Variants in NCK1 observed in about 807,000 individuals in gnomAD.
The protein encoded by NCK1 is NCK adaptor protein 1.
A neutral mutation model predicts 36.6 loss-of-function variants in NCK1; 19 were observed. The ratio of observed to expected loss-of-function variants is 0.52; its 90% CI spans 0.36 to 0.76. NCK1 has a LOEUF of 0.76. NCK1 is among the 30% of genes least tolerant of loss of function. The pLI is 0.00. For synonymous variants in NCK1, 165 were observed against 156.0 expected (o/e 1.06, Z -0.43); for missense variants, 358 against 445.6 (o/e 0.80, Z 1.77).
chr3:136,908,685 A>G (rs962787149), intron 1 of NCK1, among the ~76,000 whole-genome samples: 1 of 152,174 alleles, frequency 6.6e-6, no homozygotes, highest in East Asian at 1.9e-4. Flanking sequence ...CTGACAATAT[A>G]TATTTTTTAC....
chr3:136,895,279 A>C (rs1321089333), intron 1 of NCK1, among the ~76,000 whole-genome samples: 1 of 152,192 alleles, frequency 6.6e-6, no homozygotes, highest in African/African-American at 2.4e-5. Flanking sequence ...CAAACTGATG[A>C]TAGATGTGTA....
In NCK1 at chr3:136,945,818, G is replaced by C. The variant is rs765553907; in HGVS notation, c.462G>C (p.Trp154Cys). Reference sequence around the variant, plus strand: ...GTAGCTACAATGGACAAGTTGGATGGTTCCCTTCAAACTATGTAACTGAAG... The same window carrying C: ...GTAGCTACAATGGACAAGTTGGATGCTTCCCTTCAAACTATGTAACTGAAG... ...WRGSYNGQVGWFPSNYVTEEG... is the reference protein window; with the variant it reads ...WRGSYNGQVGCFPSNYVTEEG... The change falls in exon 3 of 4, where the codon TGG (tryptophan) becomes TGC (cysteine). Residue 154 changes from tryptophan to cysteine, a missense_variant. By Grantham distance (215) the Trp-to-Cys change is radical. Around this residue, in one of 3 missense-constraint regions of NCK1, gnomAD observed 8 missense variants for 29.8 expected, o/e 0.27. Transcript: ENST00000481752. The C allele has an allele frequency of 6.2e-7, 1 of 1,614,110 alleles. No individual in the cohort carries two copies. The highest frequency in any genetic ancestry group is 8.5e-7 in the Non-Finnish European group (1 of 1,180,020).
chr3:136,902,634 A>G (rs1939575193), intron 1 of NCK1, among the ~76,000 whole-genome samples: 1 of 152,192 alleles, frequency 6.6e-6, no homozygotes. Context: ...GCTGATGAAA[A>G]GAATGTGTTC....
At chr3:136,878,242 C>T (rs1023195269) in intron 1 of NCK1, among the ~76,000 whole-genome samples, 7 of 152,044 alleles carry the variant, frequency 4.6e-5, no homozygotes, top group East Asian at 3.9e-4. Flanking sequence ...AACCCCATCT[C>T]AACTATAAAC....
At chr3:136,900,147 C>A (rs1043060460) in intron 1 of NCK1, 16 of 306,406 alleles carry the variant, frequency 5.2e-5, no homozygotes, top group Non-Finnish European at 1.0e-4. Context: ...TCAGTTCCCA[C>A]CCAAAACCAG....
chr3:136,941,166 C>T (rs1302890418), intron 2 of NCK1, among the ~76,000 whole-genome samples: 1 of 148,294 alleles, frequency 6.7e-6, no homozygotes, highest in Non-Finnish European at 1.5e-5. Context: ...CACTCTGTCA[C>T]CCAGGCTGGA....
intron 2 of NCK1, among the ~76,000 whole-genome samples, chr3:136,932,302 G>A (rs939636145): frequency 6.6e-6 from 1 of 152,060 alleles, no homozygotes; most frequent in Non-Finnish European, 1.5e-5. Flanking sequence ...AATCCCTGCA[G>A]CAACCCCAAA....
At chr3:136,907,889 T>C (rs1939727497) in intron 1 of NCK1, among the ~76,000 whole-genome samples, 1 of 152,218 alleles carries the variant, frequency 6.6e-6, no homozygotes, top group Non-Finnish European at 1.5e-5. Context: ...ATATGTGGCG[T>C]CAGCCTCAGT....
chr3:136,945,369 A>G (rs756148728), intron 2 of NCK1, among the ~76,000 whole-genome samples: 8 of 152,226 alleles, frequency 5.3e-5, no homozygotes, highest in Non-Finnish European at 1.2e-4. Flanking sequence ...GAACTGTCAT[A>G]TAATAACAAA....
intron 1 of NCK1, among the ~76,000 whole-genome samples, chr3:136,879,419 T>G (rs927417490): frequency 6.6e-6 from 1 of 152,162 alleles, no homozygotes; most frequent in Non-Finnish European, 1.5e-5. Context: ...ACGCTTTCAA[T>G]TAAAGCCTAG....
Position 136,942,901 on chromosome 3 carries a change from A to C in NCK1, c.227-2682A>C, listed in dbSNP as rs140857300. On this transcript the variant is annotated intron_variant, in intron 2 of 3. Coordinates refer to ENST00000481752, the MANE Select transcript of NCK1 (RefSeq NM_001291999.2). ...ATTCAAGTCAGGCAAAGCCAAGGCA[A>C]GCCATTGCTCAGGTCCTTCAGGGAG... Among the ~76,000 whole-genome samples the C allele has an allele frequency of 7.2e-3, 1,093 of 152,364 alleles. 5 individuals carry two copies. The highest frequency in any genetic ancestry group is 0.013 in the Non-Finnish European group (866 of 68,032).
chr3:136,862,958 T>C (rs1234530162), intron 1 of NCK1, among the ~76,000 whole-genome samples: 1 of 151,816 alleles, frequency 6.6e-6, no homozygotes, highest in Non-Finnish European at 1.5e-5. Flanking sequence ...CTGTGAACTT[T>C]TGACTTGAGT....
chr3:136,944,112 C>CTTTTTTTTTT (rs72327296), intron 2 of NCK1, among the ~76,000 whole-genome samples: 4 of 43,782 alleles, frequency 9.1e-5, no homozygotes, highest in Admixed American at 4.5e-4. Context: ...GAAAAACAAC[C>CTTTTTTTTTT]TTTTTTTTTT....
intron 1 of NCK1, among the ~76,000 whole-genome samples, chr3:136,873,948 A>G (rs1455913205): frequency 1.3e-5 from 2 of 152,224 alleles, no homozygotes. Context: ...AAGTGGACTA[A>G]TACAGTAACC....
In NCK1 at chr3:136,913,960, G is replaced by T. The variant is rs1020794366; in HGVS notation, c.-18-14024G>T. 3.3e-5 allele frequency among the ~76,000 whole-genome samples: 5 copies of T among 152,272 alleles called. No homozygotes were observed. The East Asian group carries it at 9.7e-4, about 29-fold the overall frequency. ...CAGGCGTGAGCCACCACGCCCAGCC[G>T]CACAGTGATTTTCTAAATTCCCCAT... is the stretch of plus-strand genomic sequence containing the variant. On this transcript the variant is annotated intron_variant, in intron 1 of 3. Coordinates refer to ENST00000481752, the MANE Select transcript of NCK1 (RefSeq NM_001291999.2).
chr3:136,896,080 A>G (rs1185678902), intron 1 of NCK1, among the ~76,000 whole-genome samples: 1 of 152,128 alleles, frequency 6.6e-6, no homozygotes, highest in South Asian at 2.1e-4. Context: ...ATGTGTAATG[A>G]TCAAGTCAGG....
chr3:136,941,009 A>G (rs1940657357), intron 2 of NCK1, among the ~76,000 whole-genome samples: 1 of 151,438 alleles, frequency 6.6e-6, no homozygotes, highest in African/African-American at 2.4e-5. Context: ...ATCTATTTAC[A>G]TTTAAAGTTA....
chr3:136,937,122 C>T lies in NCK1; in HGVS notation c.227-8461C>T, dbSNP rs369757191. Among the ~76,000 whole-genome samples, 47 of 152,166 alleles carry T rather than the reference C, an allele frequency of 3.1e-4. No homozygotes were observed. The South Asian group carries it at 6.6e-3, about 21-fold the overall frequency. On this transcript the variant is annotated intron_variant, in intron 2 of 3. Coordinates refer to ENST00000481752, the MANE Select transcript of NCK1 (RefSeq NM_001291999.2). ...TTTTAGCTCTGACATTTGGTCATTTCGAGTTAATTTTTATATATGATGTGA... is the reference window on the plus strand; with the variant it reads ...TTTTAGCTCTGACATTTGGTCATTTTGAGTTAATTTTTATATATGATGTGA...
intron 1 of NCK1, among the ~76,000 whole-genome samples, chr3:136,892,174 C>A (rs1302256696): frequency 6.6e-6 from 1 of 152,178 alleles, no homozygotes; most frequent in Non-Finnish European, 1.5e-5. Context: ...AGGTGTGAGT[C>A]ACCACACCCA....
Sources: gnomAD v4.1 joint callset for allele counts (sites outside exome capture counted in the v4.1 genomes callset) on GRCh38, gnomAD v4.1.1 for gene constraint, gnomAD v4.1.1 regional missense constraint, MANE v1.5 for transcripts, NCBI Gene and HGNC (gene_info 2026-07-23, HGNC 2026-07-21) for gene names.